Variants in MAN1C1 observed in about 807,000 individuals in gnomAD.
MAN1C1 encodes the protein mannosyl-oligosaccharide 1,2-alpha-mannosidase IC.
Under a neutral mutation model 71.5 loss-of-function variants are expected in MAN1C1, and 49 were observed. The ratio of observed to expected loss-of-function variants is 0.69; its 90% CI spans 0.54 to 0.87. The LOEUF is 0.87. Among genes scored for constraint, MAN1C1 ranks in the 40% least tolerant of loss-of-function variants. MAN1C1 has a pLI of 0.00. For missense variants in MAN1C1, 743 were observed against 835.0 expected, an observed-to-expected ratio of 0.89 and a Z score of 1.36; for synonymous variants, 352 against 343.7, an observed-to-expected ratio of 1.02 and a Z score of -0.27.
chr1:25,669,614 T>A (rs1350778440), intron 1 of MAN1C1, among the ~76,000 whole-genome samples: 1 of 151,796 alleles, frequency 6.6e-6, no homozygotes, highest in Non-Finnish European at 1.5e-5. Context: ...TAAAAAAAAA[T>A]TGTAAAAATC....
At chr1:25,722,122 C>T (rs2744764) in intron 2 of MAN1C1, among the ~76,000 whole-genome samples, 23,773 of 152,146 alleles carry the variant, frequency 0.16, 2,287 homozygotes, top group African/African-American at 0.27. Context: ...TTCTAGCTTC[C>T]GACATTCCGG....
chr1:25,701,438 G>T (rs548239011), intron 2 of MAN1C1, among the ~76,000 whole-genome samples: 1 of 152,214 alleles, frequency 6.6e-6, no homozygotes, highest in African/African-American at 2.4e-5. Context: ...AACTGAGGCT[G>T]AAAGGGAGGT....
In MAN1C1 at chr1:25,656,095, C is replaced by CTTTTTTTTTTTTTTTTTTTTTTTTTTT. The variant is rs59710145; in HGVS notation, c.541-30323_541-30322insTTTTTTTTTTTTTTTTTTTTTTTTTTT. On this transcript the variant is annotated intron_variant, in intron 1 of 11. Transcript: ENST00000374332. ...TATGTCTTAGGTTGGGATTATCAGTCTTTTTTTTTTTTTTTTTTTTTTGAG... is the reference window on the plus strand; with the variant it reads ...TATGTCTTAGGTTGGGATTATCAGTCTTTTTTTTTTTTTTTTTTTTTTTTTTTTTTTTTTTTTTTTTTTTTTTTTGAG... Among the ~76,000 whole-genome samples the CTTTTTTTTTTTTTTTTTTTTTTTTTTT allele has an allele frequency of 1.2e-4, 9 of 74,978 alleles. 4 individuals carry two copies. The highest frequency in any genetic ancestry group is 7.4e-4 in the African/African-American group (9 of 12,208). 49.2% of individuals were successfully genotyped at this position (74,978 alleles called of 152,430 possible). A position where few individuals can be genotyped will look rare whatever the true frequency, so the allele number is the denominator to read the frequency against.
chr1:25,729,769 CA>C (rs2046885030), intron 2 of MAN1C1, among the ~76,000 whole-genome samples: 1 of 152,068 alleles, frequency 6.6e-6, no homozygotes, highest in African/African-American at 2.4e-5. Flanking sequence ...CTCGGTCTCC[CA>C]AAGTGTTGGG....
chr1:25,757,275 G>C (rs144630176), intron 5 of MAN1C1, among the ~76,000 whole-genome samples: 136 of 152,316 alleles, frequency 8.9e-4, no homozygotes, highest in African/African-American at 3.1e-3. Flanking sequence ...TCCTGGGAGG[G>C]CAGTGTGACC....
At chr1:25,716,814 C>T (rs1040852511) in intron 2 of MAN1C1, among the ~76,000 whole-genome samples, 1 of 152,200 alleles carries the variant, frequency 6.6e-6, no homozygotes, top group Non-Finnish European at 1.5e-5. Flanking sequence ...CTAAAAGTTT[C>T]CTCAGGCCCC....
chr1:25,690,851 C>T (rs1482576036), intron 2 of MAN1C1, among the ~76,000 whole-genome samples: 2 of 152,206 alleles, frequency 1.3e-5, no homozygotes, highest in Non-Finnish European at 2.9e-5. Context: ...GCCATTATGT[C>T]ACAGAGGTGA....
Position 25,721,562 on chromosome 1 carries a change from C to T in MAN1C1, c.638-25106C>T, listed in dbSNP as rs11799396. Among the ~76,000 whole-genome samples, 1,119 of 152,102 alleles carry T rather than the reference C, an allele frequency of 7.4e-3. 17 individuals are homozygous for T. The highest frequency in any genetic ancestry group is 0.025 in the African/African-American group (1,057 of 41,508). On this transcript the variant is annotated intron_variant, in intron 2 of 11. Transcript: ENST00000374332. ...TTTGATGCTTTGTAAATGGAATTGT[C>T]TTCTTAATTTCCATTTTGGAATGTT...
intron 2 of MAN1C1, among the ~76,000 whole-genome samples, chr1:25,713,512 G>A (rs1474167875): frequency 1.3e-5 from 2 of 152,206 alleles, no homozygotes; most frequent in Admixed American, 1.3e-4. Context: ...AGATAAGCAG[G>A]ACACGACAGT....
At chr1:25,686,670 A>G in intron 2 of MAN1C1, 134 bp downstream of exon 2, 1 of 701,670 alleles carries the variant, frequency 1.4e-6, no homozygotes, top group Non-Finnish European at 2.5e-6. Flanking sequence ...GGGCCTTCCA[A>G]GTCTGTGTTT....
At chr1:25,743,690 C>T (rs1484275913) in intron 2 of MAN1C1, among the ~76,000 whole-genome samples, 1 of 152,230 alleles carries the variant, frequency 6.6e-6, no homozygotes, top group African/African-American at 2.4e-5. Flanking sequence ...CCAGGGACGT[C>T]ACGGGGCAGA....
At chr1:25,770,033 G>A (rs954199818) in intron 7 of MAN1C1, among the ~76,000 whole-genome samples, 1 of 151,928 alleles carries the variant, frequency 6.6e-6, no homozygotes, top group African/African-American at 2.4e-5. Flanking sequence ...CCCATGACGG[G>A]GCTGGAGAAG....
chr1:25,726,109 C>T (rs1436053631), intron 2 of MAN1C1, among the ~76,000 whole-genome samples: 1 of 152,226 alleles, frequency 6.6e-6, no homozygotes, highest in Non-Finnish European at 1.5e-5. Flanking sequence ...CAAGTCTTCA[C>T]TTCTTCAAAA....
intron 4 of MAN1C1, among the ~76,000 whole-genome samples, chr1:25,752,658 G>T (rs1350438072): frequency 6.6e-6 from 1 of 152,216 alleles, no homozygotes; most frequent in Non-Finnish European, 1.5e-5. Context: ...GAAACGGCTG[G>T]GTCAGAAGGT....
chr1:25,646,635 C>T (rs2045618930), intron 1 of MAN1C1, among the ~76,000 whole-genome samples: 1 of 152,182 alleles, frequency 6.6e-6, no homozygotes, highest in African/African-American at 2.4e-5. Context: ...CTGGCAGCCA[C>T]GAATCTGCTT....
Position 25,780,929 on chromosome 1 carries a change from T to C in MAN1C1, c.1478-11T>C. The C allele has an allele frequency of 6.2e-7, 1 of 1,613,086 alleles. No individual in the cohort carries two copies. Among genetic ancestry groups the C allele is most frequent in the Non-Finnish European group, 8.5e-7 (1 of 1,179,434 alleles). ...GTCTGACCTGGGCCCTCTGCTTGGC[T>C]GTTTCCCCAGACACCAAACTTGGGC... is the stretch of plus-strand genomic sequence containing the variant. On this transcript the variant is annotated splice_polypyrimidine_tract_variant and intron_variant, in intron 9 of 11. Coordinates refer to ENST00000374332, the MANE Select transcript of MAN1C1 (RefSeq NM_020379.4).
Position 25,725,332 on chromosome 1 carries a change from C to T in MAN1C1, c.638-21336C>T, listed in dbSNP as rs537709807. On this transcript the variant is annotated intron_variant, in intron 2 of 11. Coordinates refer to ENST00000374332, the MANE Select transcript of MAN1C1 (RefSeq NM_020379.4). The surrounding 1 kb of genome is among the most constrained non-coding windows in gnomAD (Gnocchi z 4.8). Reference sequence around the variant, plus strand: ...TAGAGATGCAAAGGTGCACTGGCCACGTCCCTTGCCTCGAAAGAGTTCTCT... The same window carrying T: ...TAGAGATGCAAAGGTGCACTGGCCATGTCCCTTGCCTCGAAAGAGTTCTCT... Among the ~76,000 whole-genome samples, 5 of 152,322 alleles carry T rather than the reference C, an allele frequency of 3.3e-5. No individual in the cohort carries two copies. The South Asian group carries it at 1.0e-3, about 32-fold the overall frequency.
intron 2 of MAN1C1, among the ~76,000 whole-genome samples, chr1:25,692,207 G>A (rs533804475): frequency 6.6e-6 from 1 of 152,130 alleles, no homozygotes; most frequent in Non-Finnish European, 1.5e-5. Context: ...ATCGTTCAAG[G>A]CCATGCTGTC....
intron 2 of MAN1C1, among the ~76,000 whole-genome samples, chr1:25,707,596 T>C (rs1260859976): frequency 1.3e-5 from 2 of 152,196 alleles, no homozygotes; most frequent in African/African-American, 4.8e-5. Flanking sequence ...TTCCTCCTTA[T>C]CATCAGGGTC....
Sources: gnomAD v4.1 joint callset for allele counts (sites outside exome capture counted in the v4.1 genomes callset) on GRCh38, gnomAD v4.1.1 for gene constraint, Gnocchi (gnomAD v3.1) non-coding constraint, MANE v1.5 for transcripts, NCBI Gene and HGNC (gene_info 2026-07-23, HGNC 2026-07-21) for gene names.